FHIT: variants seen among roughly 807,000 people sequenced by gnomAD.
The protein encoded by FHIT is fragile histidine triad diadenosine triphosphatase, also known as bis(5'-adenosyl)-triphosphatase.
A neutral mutation model predicts 17.9 loss-of-function variants in FHIT; 19 were observed. The observed-to-expected ratio is 1.06, with a 90% CI of 0.74 to 1.56. FHIT has a LOEUF of 1.56. FHIT is among the 40% of genes most tolerant of loss of function. The pLI is 0.00. For synonymous variants in FHIT, 81 were observed against 69.7 expected, an observed-to-expected ratio of 1.16 and a Z score of -0.81; for missense variants, 248 against 189.2, an observed-to-expected ratio of 1.31 and a Z score of -1.82.
chr3:60,821,577 A>G (rs1209916209), intron 4 of FHIT, among the ~76,000 whole-genome samples: 15 of 152,192 alleles, frequency 9.9e-5, no homozygotes, highest in African/African-American at 2.9e-4. Flanking sequence ...AAATTATTAA[A>G]TATGTGTAAC....
intron 5 of FHIT, among the ~76,000 whole-genome samples, chr3:60,132,364 G>C (rs1350439891): frequency 1.3e-5 from 2 of 152,134 alleles, no homozygotes; most frequent in Non-Finnish European, 2.9e-5. Flanking sequence ...ATGGTCACTA[G>C]TTATGTATTT....
At chr3:60,514,048 T>C (rs1362905341) in intron 5 of FHIT, among the ~76,000 whole-genome samples, 1 of 152,130 alleles carries the variant, frequency 6.6e-6, no homozygotes, top group Non-Finnish European at 1.5e-5. Context: ...TCCCACTCCA[T>C]TCCCTTTCCA....
chr3:60,567,463 G>A (rs2037180488), intron 4 of FHIT, among the ~76,000 whole-genome samples: 1 of 152,116 alleles, frequency 6.6e-6, no homozygotes, highest in South Asian at 2.1e-4. Context: ...ATTCAAGATG[G>A]ATTAAAGACT....
chr3:60,300,067 T>G (rs997295467), intron 5 of FHIT, among the ~76,000 whole-genome samples: 1 of 152,030 alleles, frequency 6.6e-6, no homozygotes, highest in Non-Finnish European at 1.5e-5. Flanking sequence ...AAAAACAACG[T>G]CTAGGGAATT....
intron 5 of FHIT, among the ~76,000 whole-genome samples, chr3:60,239,335 T>A (rs917208966): frequency 6.6e-6 from 1 of 151,918 alleles, no homozygotes; most frequent in East Asian, 1.9e-4. Context: ...AAGGCTAAGG[T>A]GGGAGGATTG....
chr3:60,078,944 T>A (rs182020507), intron 5 of FHIT, among the ~76,000 whole-genome samples: 1 of 151,808 alleles, frequency 6.6e-6, no homozygotes, highest in Non-Finnish European at 1.5e-5. Flanking sequence ...GAATTAAAAG[T>A]TAAAAAAGAA....
At chr3:60,487,330 T>G in intron 5 of FHIT, among the ~76,000 whole-genome samples, 1 of 152,206 alleles carries the variant, frequency 6.6e-6, no homozygotes, top group Non-Finnish European at 1.5e-5. Context: ...ATGAGAAACT[T>G]ACTCAGGCAG....
intron 4 of FHIT, among the ~76,000 whole-genome samples, chr3:60,766,013 G>A (rs1699840140): frequency 6.6e-6 from 1 of 152,106 alleles, no homozygotes; most frequent in Non-Finnish European, 1.5e-5. Flanking sequence ...CAGCTTTTCT[G>A]GTTTGAGCCT....
intron 5 of FHIT, among the ~76,000 whole-genome samples, chr3:60,024,852 C>T (rs1227315567): frequency 6.6e-6 from 1 of 152,198 alleles, no homozygotes; most frequent in Admixed American, 6.5e-5. Flanking sequence ...GGAGAAGCCA[C>T]TGAAGCATTT....
At chr3:60,005,779 A>T (rs1487648054) in intron 7 of FHIT, among the ~76,000 whole-genome samples, 2 of 152,208 alleles carry the variant, frequency 1.3e-5, no homozygotes, top group African/African-American at 2.4e-5. Context: ...ATGGCAAATC[A>T]CATCTCTCTT....
At chr3:60,751,464 A>C (rs2042464902) in intron 4 of FHIT, among the ~76,000 whole-genome samples, 1 of 152,270 alleles carries the variant, frequency 6.6e-6, no homozygotes, top group African/African-American at 2.4e-5. Flanking sequence ...TCCAAAAAGC[A>C]AAATATGGGC....
chr3:59,942,440 T>C (rs780180333), intron 7 of FHIT, among the ~76,000 whole-genome samples: 3 of 152,140 alleles, frequency 2.0e-5, no homozygotes, highest in Admixed American at 6.5e-5. Context: ...TGTCAGACCA[T>C]TGGTTAAATA....
At chr3:60,043,418 T>C (rs1219643326) in intron 5 of FHIT, among the ~76,000 whole-genome samples, 1 of 152,254 alleles carries the variant, frequency 6.6e-6, no homozygotes. Context: ...GCACTTACCA[T>C]GATAATTTTA....
At chr3:60,669,982 C>T (rs2040473207) in intron 4 of FHIT, among the ~76,000 whole-genome samples, 1 of 152,216 alleles carries the variant, frequency 6.6e-6, no homozygotes, top group Non-Finnish European at 1.5e-5. Context: ...TCCCTCATAT[C>T]TGTGGCACAT....
chr3:59,946,989 T>C (rs1706841254), intron 7 of FHIT, among the ~76,000 whole-genome samples: 1 of 152,196 alleles, frequency 6.6e-6, no homozygotes. Flanking sequence ...TTATTGTGTC[T>C]CTGCCAGATT....
At chr3:61,133,178 T>C (rs1398391580) in intron 2 of FHIT, among the ~76,000 whole-genome samples, 1 of 152,190 alleles carries the variant, frequency 6.6e-6, no homozygotes, top group African/African-American at 2.4e-5. Context: ...ACAAAGCACA[T>C]TGGACTTTTC....
chr3:60,576,728 G>T (rs534472935), intron 4 of FHIT, among the ~76,000 whole-genome samples: 1 of 152,218 alleles, frequency 6.6e-6, no homozygotes, highest in East Asian at 1.9e-4. Context: ...GCACATTTCA[G>T]AAAGGTACAA....
At chr3:60,741,340 A>C (rs1234557125) in intron 4 of FHIT, among the ~76,000 whole-genome samples, 1 of 152,124 alleles carries the variant, frequency 6.6e-6, no homozygotes, top group Non-Finnish European at 1.5e-5. Context: ...ATTGCAATCG[A>C]GTTTAAGGAG....
intron 8 of FHIT, among the ~76,000 whole-genome samples, chr3:59,791,580 T>C (rs1699563199): frequency 6.6e-6 from 1 of 152,086 alleles, no homozygotes; most frequent in Admixed American, 6.6e-5. Flanking sequence ...TTGAGTTGGG[T>C]TTCTATAACT....
Sources: gnomAD v4.1 joint callset for allele counts (sites outside exome capture counted in the v4.1 genomes callset) on GRCh38, gnomAD v4.1.1 for gene constraint, MANE v1.5 for transcripts, NCBI Gene and HGNC (gene_info 2026-07-23, HGNC 2026-07-21) for gene names.